Variants in ATP5F1C observed in about 807,000 individuals in gnomAD.
ATP5F1C encodes ATP synthase F(1) complex subunit gamma, mitochondrial.
A neutral mutation model predicts 37.4 loss-of-function variants in ATP5F1C; 22 were observed. The observed-to-expected ratio is 0.59, with a 90% confidence interval of 0.42 to 0.84. The LOEUF is 0.84. ATP5F1C is among the 40% of genes least tolerant of loss of function. ATP5F1C has a pLI of 0.00. For synonymous variants in ATP5F1C, 121 were observed against 128.0 expected (o/e 0.95, Z 0.37); for missense variants, 286 against 362.4 (o/e 0.79, Z 1.71).
intron 8 of ATP5F1C, among the ~76,000 whole-genome samples, chr10:7,803,279 T>G (rs972164229): frequency 1.3e-5 from 2 of 150,966 alleles, no homozygotes; most frequent in Non-Finnish European, 2.9e-5. Flanking sequence ...GTTTTCTATA[T>G]CAGTACCAAA....
intron 1 of ATP5F1C, among the ~76,000 whole-genome samples, chr10:7,790,830 A>G (rs1262494064): frequency 6.6e-6 from 1 of 152,220 alleles, no homozygotes; most frequent in Admixed American, 6.5e-5. Flanking sequence ...ATAAAAGTGC[A>G]CAATTCAGTG....
chr10:7,795,969 A>G (rs1036343274), intron 1 of ATP5F1C, 152 bp from the exon 2 acceptor site: 1 of 596,584 alleles, frequency 1.7e-6, no homozygotes, highest in Non-Finnish European at 2.9e-6. Context: ...ATTTAAATAT[A>G]TGTCTATTCA....
intron 3 of ATP5F1C, among the ~76,000 whole-genome samples, chr10:7,798,510 C>A (rs531291203): frequency 8.8e-4 from 134 of 152,138 alleles, no homozygotes; most frequent in African/African-American, 3.1e-3. Context: ...GGGTTCACGC[C>A]ATTCTCCTGC....
intron 8 of ATP5F1C, chr10:7,804,048 G>C: frequency 1.9e-6 from 1 of 518,110 alleles, no homozygotes; most frequent in Non-Finnish European, 3.9e-6. Flanking sequence ...AGAGAGCTCA[G>C]TCTTCACAGT....
At chr10:7,798,429 C>T (rs185308393) in intron 3 of ATP5F1C, among the ~76,000 whole-genome samples, 1 of 151,392 alleles carries the variant, frequency 6.6e-6, no homozygotes, top group Non-Finnish European at 1.5e-5. Context: ...TTTTCTGAGT[C>T]GGAGTCTAGC....
chr10:7,789,160 A>G (rs1836112156), intron 1 of ATP5F1C, among the ~76,000 whole-genome samples: 5 of 152,082 alleles, frequency 3.3e-5, no homozygotes, highest in Admixed American at 3.3e-4. Context: ...TCAGTTTTGA[A>G]GCTTGACGGA....
chr10:7,800,190 C>A, intron 6 of ATP5F1C, 99 bp downstream of exon 6: 2 of 1,237,534 alleles, frequency 1.6e-6, no homozygotes, highest in Non-Finnish European at 2.3e-6. Context: ...GTAGCTATAG[C>A]AAATGATTTG....
chr10:7,790,052 C>T (rs181340615), intron 1 of ATP5F1C, among the ~76,000 whole-genome samples: 1 of 152,190 alleles, frequency 6.6e-6, no homozygotes, highest in Non-Finnish European at 1.5e-5. Flanking sequence ...TTCATGTATT[C>T]CTTCACTGCT....
At chr10:7,789,282 T>G (rs1321159915) in intron 1 of ATP5F1C, among the ~76,000 whole-genome samples, 1 of 152,138 alleles carries the variant, frequency 6.6e-6, no homozygotes, top group African/African-American at 2.4e-5. Context: ...TAAACTAGAT[T>G]TTCGTATCCT....
Position 7,799,797 on chromosome 10 carries a change from G to C in ATP5F1C, c.454G>C (p.Ala152Pro). ...YRTHSDQFLV[A>P]FKEVGRKPPT... ...GACTCATTCTGACCAGTTTCTGGTG[G>C]CATTCAAAGAAGTGGGAAGAAAGCC... Residue 152 changes from alanine (A) to proline (P), a missense_variant, in exon 5 of 10, where the codon GCA (alanine) becomes CCA (proline). Coordinates refer to ENST00000356708, the MANE Select transcript of ATP5F1C (RefSeq NM_001001973.3). 1 of 1,614,140 alleles carries C rather than the reference G, an allele frequency of 6.2e-7. No individual in the cohort carries two copies. The highest frequency in any genetic ancestry group is 8.5e-7 in the Non-Finnish European group (1 of 1,180,038).
At chr10:7,798,511 A>G (rs917858809) in intron 3 of ATP5F1C, among the ~76,000 whole-genome samples, 2 of 152,012 alleles carry the variant, frequency 1.3e-5, no homozygotes, top group East Asian at 3.9e-4. Context: ...GGTTCACGCC[A>G]TTCTCCTGCC....
chr10:7,788,351 C>A, intron 1 of ATP5F1C, 88 bp downstream of exon 1: 2 of 1,539,930 alleles, frequency 1.3e-6, no homozygotes, highest in Non-Finnish European at 1.8e-6. Flanking sequence ...GGCGCGGGGG[C>A]AGATGTGGGG....
chr10:7,802,461 C>G, intron 7 of ATP5F1C, 36 bp downstream of exon 7: 1 of 1,578,342 alleles, frequency 6.3e-7, no homozygotes, highest in Non-Finnish European at 8.6e-7. Flanking sequence ...AGCAGGAGTG[C>G]TTGTGAGCAC....
chr10:7,789,917 C>A (rs1836134683), intron 1 of ATP5F1C, among the ~76,000 whole-genome samples: 1 of 152,192 alleles, frequency 6.6e-6, no homozygotes, highest in Non-Finnish European at 1.5e-5. Flanking sequence ...CTGTTAGGAG[C>A]TTAAATCGGA....
At chr10:7,792,309 C>T (rs1836175562) in intron 1 of ATP5F1C, among the ~76,000 whole-genome samples, 1 of 152,080 alleles carries the variant, frequency 6.6e-6, no homozygotes, top group Non-Finnish European at 1.5e-5. Flanking sequence ...CACCTGAGCC[C>T]AGGAAGTTGA....
rs1836300498 is a variant in ATP5F1C at position 7,799,123 on chromosome 10, T to C, written c.357T>C (p.Ala119=). 2 of 1,614,026 alleles carry C rather than the reference T, an allele frequency of 1.2e-6. No homozygotes were observed. The highest frequency in any genetic ancestry group is 8.5e-7 in the Non-Finnish European group (1 of 1,179,954). Residue 119 remains alanine (A), a synonymous_variant, in exon 4 of 10, where the codon GCT becomes GCC. Coordinates refer to ENST00000356708, the MANE Select transcript of ATP5F1C (RefSeq NM_001001973.3). ...CTAAACAGATGAAAAGCGAGGTTGC[T>C]ACACTAACAGCAGCTGGGAAAGAAG... ...SIAKQMKSEV[A]TLTAAGKEVM... is the part of the protein sequence containing the mutation.
intron 1 of ATP5F1C, 99 bp from the exon 2 acceptor site, chr10:7,796,022 G>T: frequency 1.2e-6 from 1 of 845,368 alleles, no homozygotes; most frequent in South Asian, 1.6e-5. Flanking sequence ...TTTCTTTATG[G>T]GGTATTCTTT....
At chr10:7,806,272 CAAAAT>C (rs1836478201) in intron 8 of ATP5F1C, among the ~76,000 whole-genome samples, 1 of 152,140 alleles carries the variant, frequency 6.6e-6, no homozygotes, top group African/African-American at 2.4e-5. Flanking sequence ...GATCAAAAAA[CAAAAT>C]AAACATATTT....
intron 1 of ATP5F1C, among the ~76,000 whole-genome samples, chr10:7,795,466 G>T (rs2131060284): frequency 6.6e-6 from 1 of 152,090 alleles, no homozygotes; most frequent in African/African-American, 2.4e-5. Flanking sequence ...TAATCATTTT[G>T]ACTTCTGCAC....
Sources: allele counts gnomAD v4.1 joint callset (sites outside exome capture counted in the v4.1 genomes callset), GRCh38; gene constraint gnomAD v4.1.1; transcripts MANE v1.5; gene names NCBI Gene and HGNC (gene_info 2026-07-23, HGNC 2026-07-21).